CDKL3: variants seen among roughly 807,000 people sequenced by gnomAD.
CDKL3 encodes the protein cyclin-dependent kinase-like 3.
A neutral mutation model predicts 69.3 loss-of-function variants in CDKL3; 65 were observed. The observed-to-expected ratio is 0.94, with a 90% CI of 0.77 to 1.15. The LOEUF is 1.15. Among genes scored for constraint, CDKL3 ranks in the 50% most tolerant of loss-of-function variants. The pLI is 0.00. For synonymous variants in CDKL3, 202 were observed against 221.6 expected, an observed-to-expected ratio of 0.91 and a Z score of 0.79; for missense variants, 652 against 689.2, an observed-to-expected ratio of 0.95 and a Z score of 0.61.
In CDKL3 at chr5:134,316,938, T is replaced by C. The variant is rs150847599; in HGVS notation, c.792+2420A>G. On this transcript the variant is annotated intron_variant, in intron 6 of 12. Transcript: ENST00000265334. The stretch of plus-strand genomic sequence containing the variant: ...AGTAATTTTTTCTGGATCATGTGAA[T>C]TGGGAAAATCTGAACCTCTCCTTTT... 2.2e-3 allele frequency among the ~76,000 whole-genome samples: 328 copies of C among 152,268 alleles called. 1 individual carries two copies. The highest frequency in any genetic ancestry group is 0.01 in the Middle Eastern group (3 of 294).
At chr5:134,293,774 T>A (rs1765228980), downstream of CDKL3, among the ~76,000 whole-genome samples, 1 of 152,062 alleles carries the variant, frequency 6.6e-6, no homozygotes, top group Non-Finnish European at 1.5e-5. Flanking sequence ...CATTCCAGCC[T>A]GGGTGGCAGA....
chr5:134,324,139 G>A (rs1202646912), intron 4 of CDKL3, among the ~76,000 whole-genome samples: 1 of 152,084 alleles, frequency 6.6e-6, no homozygotes, highest in African/African-American at 2.4e-5. Context: ...TTAAAACAAC[G>A]AGATACCACT....
chr5:134,284,698 C>T (rs1263401108), downstream of CDKL3, among the ~76,000 whole-genome samples: 1 of 152,202 alleles, frequency 6.6e-6, no homozygotes, highest in African/African-American at 2.4e-5. Context: ...AGAGACCTCC[C>T]CCTGGGAAGG....
chr5:134,320,569 C>T (rs868284621), intron 5 of CDKL3, among the ~76,000 whole-genome samples: 4 of 151,990 alleles, frequency 2.6e-5, no homozygotes, highest in Admixed American at 2.6e-4. Flanking sequence ...CAAAGTGAGA[C>T]CCTGTCTCAA....
chr5:134,369,368 G>A (rs2149684953), upstream of CDKL3, among the ~76,000 whole-genome samples: 1 of 152,288 alleles, frequency 6.6e-6, no homozygotes, highest in Non-Finnish European at 1.5e-5. Context: ...GGACTTCGTT[G>A]GTGGGTCAGG....
intron 4 of CDKL3, among the ~76,000 whole-genome samples, chr5:134,341,474 C>T (rs1750470206): frequency 6.6e-6 from 1 of 152,218 alleles, no homozygotes; most frequent in African/African-American, 2.4e-5. Flanking sequence ...TAAACAAGTT[C>T]AGCAAAGTTG....
chr5:134,323,245 G>T (rs934710117), intron 4 of CDKL3, among the ~76,000 whole-genome samples: 1 of 152,124 alleles, frequency 6.6e-6, no homozygotes, highest in African/African-American at 2.4e-5. Flanking sequence ...ACACACATAT[G>T]TAAATTAGCC....
rs34873718 is a variant in CDKL3 at position 134,289,163 on chromosome 5, T to TAAA, written c.*678-2607_*678-2605dup. Among the ~76,000 whole-genome samples the TAAA allele has an allele frequency of 9.6e-3, 770 of 80,114 alleles. 13 individuals carry two copies. Among genetic ancestry groups the TAAA allele is most frequent in the African/African-American group, 0.028 (716 of 25,224 alleles). The allele number at this position is 80,114 out of a possible 152,430, so 52.6% of individuals were successfully genotyped here. A position where few individuals can be genotyped will look rare whatever the true frequency, so the allele number is the denominator to read the frequency against. ...GACAGCAGAGCAAGACCCTGTCTCATAAAAAAAAAAAAAAAAAAAAAGGAA... is the reference window on the plus strand; with the variant it reads ...GACAGCAGAGCAAGACCCTGTCTCATAAAAAAAAAAAAAAAAAAAAAAAAGGAA... On this transcript the variant is annotated intron_variant and NMD_transcript_variant, in intron 8 of 8. Transcript: ENST00000519312.
chr5:134,302,734 T>G (rs1766659516), intron 11 of CDKL3, 47 bp from the exon 12 acceptor site: 1 of 972,070 alleles, frequency 1.0e-6, no homozygotes, highest in Non-Finnish European at 1.5e-6. Flanking sequence ...ATTCCTACTT[T>G]GAAATTTTAC....
At chr5:134,307,083 G>T (rs1166860510) in intron 9 of CDKL3, among the ~76,000 whole-genome samples, 3 of 152,068 alleles carry the variant, frequency 2.0e-5, no homozygotes, top group African/African-American at 7.2e-5. Flanking sequence ...CTTCAAGAAT[G>T]AATAAATTAT....
chr5:134,340,362 A>G lies in CDKL3; in HGVS notation c.539+9887T>C, dbSNP rs190085542. On this transcript the variant is annotated intron_variant, in intron 4 of 12. Coordinates refer to ENST00000265334, the MANE Select transcript of CDKL3 (RefSeq NM_001113575.2). ...AAACCAAGCAAACAAAAAGAAGGAA[A>G]TATTTAAAAAGCAAAAGTTCATTAA... Among the ~76,000 whole-genome samples the G allele has an allele frequency of 1.0e-3, 154 of 152,302 alleles. 6 individuals carry two copies. Among genetic ancestry groups the G allele is most frequent in the Admixed American group, 9.9e-3 (152 of 15,292 alleles).
At chr5:134,349,434 C>T (rs1232190811) in intron 4 of CDKL3, among the ~76,000 whole-genome samples, 5 of 152,086 alleles carry the variant, frequency 3.3e-5, no homozygotes, top group East Asian at 1.9e-4. Flanking sequence ...GGACTACAGG[C>T]GCATGCCACC....
intron 12 of CDKL3, among the ~76,000 whole-genome samples, chr5:134,300,856 G>A (rs1249568467): frequency 6.6e-6 from 1 of 152,094 alleles, no homozygotes; most frequent in African/African-American, 2.4e-5. Context: ...GCCTACCTCA[G>A]GAGCCCTAAC....
In CDKL3 at chr5:134,319,223, C is replaced by T. The variant is rs1271358296; in HGVS notation, c.792+135G>A. ...GCAGGTGCCTGTAATCCCAACTACT[C>T]GGAAGGCTGAGGCAGGAGAATCTCA... On this transcript the variant is annotated intron_variant, in intron 6 of 12. Coordinates refer to ENST00000265334, the MANE Select transcript of CDKL3 (RefSeq NM_001113575.2). 9.8e-6 allele frequency: 6 copies of T among 611,522 alleles called. No homozygotes were observed. In the East Asian group the frequency reaches 1.1e-4, roughly 11 times the overall value. The allele number at this position is 611,522 out of a possible 1,614,324, so 37.9% of individuals were successfully genotyped here.
At chr5:134,347,859 G>A (rs1262223467) in intron 4 of CDKL3, among the ~76,000 whole-genome samples, 1 of 152,078 alleles carries the variant, frequency 6.6e-6, no homozygotes, top group East Asian at 1.9e-4. Flanking sequence ...AGTTTATCTA[G>A]GCCTGGAAGG....
chr5:134,303,308 C>T (rs1766828404), intron 11 of CDKL3, among the ~76,000 whole-genome samples: 1 of 152,058 alleles, frequency 6.6e-6, no homozygotes, highest in African/African-American at 2.4e-5. Flanking sequence ...AATTCCTGAC[C>T]TCAGGTGATC....
intron 8 of CDKL3, among the ~76,000 whole-genome samples, chr5:134,287,860 C>T (rs1388147011): frequency 6.6e-6 from 1 of 151,380 alleles, no homozygotes; most frequent in Non-Finnish European, 1.5e-5. Context: ...AACTCATCTT[C>T]TCGACACCTT....
chr5:134,299,696 T>C (rs1237112760), intron 12 of CDKL3: 2 of 1,533,994 alleles, frequency 1.3e-6, no homozygotes, highest in East Asian at 2.4e-5. Context: ...TGCTGCATTT[T>C]CTACTCTACA....
chr5:134,352,606 T>C (rs1448860740), intron 3 of CDKL3, among the ~76,000 whole-genome samples: 1 of 151,948 alleles, frequency 6.6e-6, no homozygotes, highest in Non-Finnish European at 1.5e-5. Context: ...CAGCAACCTT[T>C]GCCCATTTTT....
Sources: gnomAD v4.1 joint callset for allele counts (sites outside exome capture counted in the v4.1 genomes callset) on GRCh38, gnomAD v4.1.1 for gene constraint, MANE v1.5 for transcripts, NCBI Gene and HGNC (gene_info 2026-07-23, HGNC 2026-07-21) for gene names.